LYST: variants seen among roughly 807,000 people sequenced by gnomAD.
LYST encodes the protein lysosomal trafficking regulator.
In LYST, 192 loss-of-function variants were observed where a neutral mutation model predicts 413.6. That is an observed-to-expected ratio of 0.46 (90% CI 0.41 to 0.52). The LOEUF (loss-of-function observed/expected upper bound fraction) is 0.52, where lower values mean the gene tolerates loss of function less well. Among genes scored for constraint, LYST ranks in the 20% least tolerant of loss-of-function variants. The pLI is 0.00. For synonymous variants in LYST, 1,525 were observed against 1,567.3 expected, an observed-to-expected ratio of 0.97 and a Z score of 0.64; for missense variants, 3,815 against 4,499.9, an observed-to-expected ratio of 0.85 and a Z score of 4.35.
At chr1:235,858,555 C>T (rs1223495007) in intron 1 of LYST, among the ~76,000 whole-genome samples, 1 of 152,116 alleles carries the variant, frequency 6.6e-6, no homozygotes, top group African/African-American at 2.4e-5. Flanking sequence ...CTTTTATTTC[C>T]ATTAATCCTG....
intron 47 of LYST, among the ~76,000 whole-genome samples, chr1:235,687,543 A>G (rs187057848): frequency 1.1e-3 from 175 of 152,344 alleles, no homozygotes; most frequent in Admixed American, 4.6e-3. Context: ...ATGTGAATGT[A>G]AAAGATGGGA....
intron 20 of LYST, among the ~76,000 whole-genome samples, chr1:235,767,071 A>G (rs568608285): frequency 6.8e-4 from 103 of 152,212 alleles, no homozygotes; most frequent in Non-Finnish European, 1.4e-3. Flanking sequence ...CTACTGCACC[A>G]TTTACTGTCT....
At chr1:235,802,515 T>C (rs1181590452) in intron 8 of LYST, among the ~76,000 whole-genome samples, 1 of 152,214 alleles carries the variant, frequency 6.6e-6, no homozygotes, top group African/African-American at 2.4e-5. Context: ...CCTAGCTTGT[T>C]TTCATTTAGT....
At chr1:235,737,916 A>AATGAGAGG in intron 31 of LYST, 1 of 1,163,406 alleles carries the variant, frequency 8.6e-7, no homozygotes, top group South Asian at 3.9e-5. Context: ...GCTGCCGACG[A>AATGAGAGG]GTCTGGATCT....
At chr1:235,799,355 T>A (rs1188976116) in intron 10 of LYST, among the ~76,000 whole-genome samples, 2 of 152,144 alleles carry the variant, frequency 1.3e-5, no homozygotes, top group East Asian at 3.9e-4. Context: ...CCCCACAAGA[T>A]ACTTATTAAT....
At chr1:235,698,551 C>T (rs1661278809) in intron 45 of LYST, among the ~76,000 whole-genome samples, 1 of 152,012 alleles carries the variant, frequency 6.6e-6, no homozygotes, top group Admixed American at 6.6e-5. Context: ...TTGTGGCTCC[C>T]CTGTGGGATC....
intron 21 of LYST, among the ~76,000 whole-genome samples, chr1:235,763,191 A>G (rs1277266385): frequency 6.6e-6 from 1 of 152,158 alleles, no homozygotes; most frequent in Non-Finnish European, 1.5e-5. Context: ...TGAGGAAAGG[A>G]CTGTGTCTTT....
intron 13 of LYST, among the ~76,000 whole-genome samples, chr1:235,787,646 AT>A (rs1670568638): frequency 6.6e-6 from 1 of 152,086 alleles, no homozygotes; most frequent in African/African-American, 2.4e-5. Flanking sequence ...TTGTAAAAAA[AT>A]ATATATTATT....
At chr1:235,771,917 GTTTTTTTTT>G (rs1215590592) in intron 19 of LYST, among the ~76,000 whole-genome samples, 1 of 72,728 alleles carries the variant, frequency 1.4e-5, no homozygotes, top group Admixed American at 1.8e-4. Flanking sequence ...TTTTTAGTTT[GTTTTTTTTT>G]TTTTTTTTTT....
At position 235,755,375 on chromosome 1, in the gene LYST, C is replaced by T. The variant is rs1033197873; in HGVS notation, c.7229+103G>A. 29 of 1,093,052 alleles carry T rather than the reference C, an allele frequency of 2.7e-5. No individual in the cohort carries two copies. In the African/African-American group the frequency reaches 2.9e-4, roughly 11 times the overall value. 67.7% of individuals were successfully genotyped at this position (1,093,052 alleles called of 1,614,324 possible). A position where few individuals can be genotyped will look rare whatever the true frequency, so the allele number is the denominator to read the frequency against. On this transcript the variant is annotated intron_variant, in intron 25 of 52. Coordinates refer to ENST00000389793, the MANE Select transcript of LYST (RefSeq NM_000081.4). ...TTGCACTCCAGCCTGGGCAACAGGG[C>T]GAGACTCCGTCTCAAAAGAAAAGAA... is the stretch of plus-strand genomic sequence containing the variant.
At chr1:235,801,189 T>C (rs752603073) in intron 8 of LYST, 92 bp from the exon 9 acceptor site, 17 of 852,334 alleles carry the variant, frequency 2.0e-5, no homozygotes, top group Middle Eastern at 2.2e-4. Context: ...GTGGCAAAAA[T>C]AGTAATTCAG....
chr1:235,666,821 A>G (rs1658527644), intron 50 of LYST, among the ~76,000 whole-genome samples: 1 of 152,230 alleles, frequency 6.6e-6, no homozygotes, highest in Admixed American at 6.5e-5. Flanking sequence ...AAAAGATAAA[A>G]TAATTAGATA....
chr1:235,802,216 A>AC lies in LYST; in HGVS notation c.3712+691_3712+692insG, dbSNP rs1224364546. The stretch of plus-strand genomic sequence containing the variant: ...TTCAAAAAAAAAAAAAAAAAAAAAA[A>AC]AAAACTAGCAGTACTGGGACACTCA... On this transcript the variant is annotated intron_variant, in intron 8 of 52. Transcript: ENST00000389793. Among the ~76,000 whole-genome samples, 579 of 150,454 alleles carry AC rather than the reference A, an allele frequency of 3.8e-3. 4 individuals carry two copies. The highest frequency in any genetic ancestry group is 0.014 in the African/African-American group (556 of 40,568).
At chr1:235,858,926 T>C (rs1679535210) in intron 1 of LYST, among the ~76,000 whole-genome samples, 1 of 152,160 alleles carries the variant, frequency 6.6e-6, no homozygotes, top group South Asian at 2.1e-4. Context: ...CTGGCCTCTG[T>C]ACATTTGTGA....
At chr1:235,723,454 C>A (rs1278636228) in intron 39 of LYST, among the ~76,000 whole-genome samples, 1 of 152,142 alleles carries the variant, frequency 6.6e-6, no homozygotes, top group Non-Finnish European at 1.5e-5. Flanking sequence ...GACTGAGAAG[C>A]AATGGCTGGT....
intron 21 of LYST, among the ~76,000 whole-genome samples, chr1:235,765,364 C>T (rs1425610264): frequency 6.6e-6 from 1 of 152,172 alleles, no homozygotes; most frequent in African/African-American, 2.4e-5. Context: ...ATTGGCCTTA[C>T]TGCCCCTAGT....
intron 25 of LYST, among the ~76,000 whole-genome samples, chr1:235,754,546 C>T (rs1313520415): frequency 6.7e-6 from 1 of 149,740 alleles, no homozygotes; most frequent in African/African-American, 2.6e-5. Flanking sequence ...TTCAGTTAAT[C>T]TTCTCATGTT....
At chr1:235,692,483 C>T (rs886691232) in intron 47 of LYST, among the ~76,000 whole-genome samples, 9 of 151,642 alleles carry the variant, frequency 5.9e-5, no homozygotes, top group Non-Finnish European at 1.0e-4. Flanking sequence ...TGGGTTCAAG[C>T]GATTCTCCTG....
upstream of LYST, among the ~76,000 whole-genome samples, chr1:235,870,270 A>G (rs1362231937): frequency 1.3e-5 from 2 of 152,226 alleles, no homozygotes; most frequent in African/African-American, 2.4e-5. Flanking sequence ...TTTTCTGTAC[A>G]TCATGAGCTA....
Sources: gnomAD v4.1 joint callset for allele counts (sites outside exome capture counted in the v4.1 genomes callset) on GRCh38, gnomAD v4.1.1 for gene constraint, MANE v1.5 for transcripts, NCBI Gene and HGNC (gene_info 2026-07-23, HGNC 2026-07-21) for gene names.